KCNJ12: variants seen among roughly 807,000 people sequenced by gnomAD.
KCNJ12 encodes ATP-sensitive inward rectifier potassium channel 12.
KCNJ12 carries 2 observed loss-of-function variants against 22.3 expected under a neutral mutation model. The observed-to-expected ratio is 0.09, with a 90% CI of 0.04 to 0.28. KCNJ12 has a LOEUF of 0.28. Among genes scored for constraint, KCNJ12 ranks in the 10% least tolerant of loss-of-function variants. The pLI, the probability that KCNJ12 is intolerant of heterozygous loss-of-function variation, is 1.00. For synonymous variants in KCNJ12, 117 were observed against 261.4 expected (o/e 0.45, Z 5.33); for missense variants, 155 against 633.3 (o/e 0.24, Z 8.11).
At position 21,415,942 on chromosome 17, in the gene KCNJ12, C is replaced by T. The variant is rs369453139; in HGVS notation, c.600C>T (p.Ala200=). The change falls in exon 3 of 3, where the codon GCC becomes GCT. Residue 200 remains alanine, a synonymous_variant. Transcript: ENST00000583088. ...AGACGCTGCTGTTCAGCCACAACGC[C>T]GTGGTGGCCCTGCGTGACGGCAAGC... ...RAQTLLFSHN[A]VVALRDGKLC... is the part of the protein sequence containing the mutation. The T allele has an allele frequency of 9.9e-6, 16 of 1,609,100 alleles. No homozygotes were observed. Among genetic ancestry groups the T allele is most frequent in the Admixed American group, 5.0e-5 (3 of 59,840 alleles).
intron 1 of KCNJ12, among the ~76,000 whole-genome samples, chr17:21,392,379 C>T (rs569458729): frequency 8.5e-5 from 13 of 152,360 alleles, no homozygotes; most frequent in Non-Finnish European, 1.6e-4. Flanking sequence ...GAGGGAAGGA[C>T]GAGTCTGGCC....
chr17:21,404,921 C>T (rs1444221860), intron 1 of KCNJ12, among the ~76,000 whole-genome samples: 4 of 152,292 alleles, frequency 2.6e-5, no homozygotes, highest in Non-Finnish European at 5.9e-5. Flanking sequence ...CTTTTCTGGC[C>T]GCTTGGTGCA....
chr17:21,412,528 C>T (rs1248686606), intron 2 of KCNJ12, among the ~76,000 whole-genome samples: 2 of 152,306 alleles, frequency 1.3e-5, no homozygotes, highest in African/African-American at 4.8e-5. Flanking sequence ...CCCCTGTCAG[C>T]TGGTGGCCTC....
At chr17:21,407,298 G>C (rs1906006637) in intron 1 of KCNJ12, among the ~76,000 whole-genome samples, 1 of 149,230 alleles carries the variant, frequency 6.7e-6, no homozygotes, top group African/African-American at 2.5e-5. Context: ...TCATCCACCT[G>C]TCCATCTATC....
At chr17:21,404,344 GGC>G (rs1297441060) in intron 1 of KCNJ12, among the ~76,000 whole-genome samples, 1 of 152,302 alleles carries the variant, frequency 6.6e-6, no homozygotes, top group Non-Finnish European at 1.5e-5. Flanking sequence ...CCTCCCCACT[GGC>G]AGATACTCCT....
chr17:21,391,572 C>T (rs941634915), intron 1 of KCNJ12, among the ~76,000 whole-genome samples: 4 of 152,250 alleles, frequency 2.6e-5, no homozygotes, highest in African/African-American at 7.2e-5. Context: ...AACTGCCTTG[C>T]GGCGCTCCGC....
intron 2 of KCNJ12, 122 bp from the exon 3 acceptor site, chr17:21,415,165 G>C (rs1597584705): frequency 9.2e-7 from 1 of 1,083,254 alleles, no homozygotes; most frequent in East Asian, 2.6e-5. Flanking sequence ...GGCAAGACCA[G>C]AGCACGATCG....
intron 1 of KCNJ12, among the ~76,000 whole-genome samples, chr17:21,382,401 G>T (rs1490804987): frequency 6.6e-6 from 1 of 152,144 alleles, no homozygotes; most frequent in Non-Finnish European, 1.5e-5. Context: ...GGCAGGGAGG[G>T]GACAGTGTCT....
intron 1 of KCNJ12, among the ~76,000 whole-genome samples, chr17:21,404,880 C>G (rs1452794793): frequency 6.6e-6 from 1 of 152,282 alleles, no homozygotes; most frequent in Non-Finnish European, 1.5e-5. Context: ...CTGACCTGGC[C>G]TCACCTCAGG....
intron 1 of KCNJ12, among the ~76,000 whole-genome samples, chr17:21,385,711 T>C (rs1905050293): frequency 6.6e-6 from 1 of 152,212 alleles, no homozygotes; most frequent in South Asian, 2.1e-4. Context: ...TCCAGGCCAC[T>C]CATGGGTCCT....
intron 1 of KCNJ12, among the ~76,000 whole-genome samples, chr17:21,403,263 C>G (rs1263093003): frequency 2.0e-5 from 3 of 152,302 alleles, no homozygotes; most frequent in Non-Finnish European, 4.4e-5. Flanking sequence ...CTGCTCATTC[C>G]TACTGTGTCC....
chr17:21,411,461 C>T (rs1308280094), intron 2 of KCNJ12, among the ~76,000 whole-genome samples: 3 of 152,276 alleles, frequency 2.0e-5, no homozygotes, highest in Non-Finnish European at 2.9e-5. Context: ...GTGTTGAAAC[C>T]GCCTTGTCTA....
chr17:21,401,881 TGGTCC>T (rs1470404940), intron 1 of KCNJ12, among the ~76,000 whole-genome samples: 2 of 152,184 alleles, frequency 1.3e-5, no homozygotes, highest in African/African-American at 4.8e-5. Context: ...CAGCATGGTC[TGGTCC>T]AGGACAGAGG....
chr17:21,386,797 C>T lies in KCNJ12; in HGVS notation c.-179+9884C>T, dbSNP rs1045351608. Among the ~76,000 whole-genome samples the T allele has an allele frequency of 3.4e-4, 52 of 152,164 alleles. 1 individual carries two copies. Among genetic ancestry groups the T allele is most frequent in the African/African-American group, 9.4e-4 (39 of 41,406 alleles). On this transcript the variant is annotated intron_variant, in intron 1 of 2. Coordinates refer to ENST00000583088, the MANE Select transcript of KCNJ12 (RefSeq NM_021012.5). ...CTAGGATTACAGGTGTGAATCACCG[C>T]GCCAGGACCTCTACTTCTAAGGATG...
intron 1 of KCNJ12, among the ~76,000 whole-genome samples, chr17:21,380,479 A>C (rs1272857512): frequency 6.6e-6 from 1 of 152,196 alleles, no homozygotes; most frequent in African/African-American, 2.4e-5. Flanking sequence ...CAAGAGAGGC[A>C]GATGTTGCCA....
chr17:21,387,440 C>CAAAAA (rs782125409), intron 1 of KCNJ12, among the ~76,000 whole-genome samples: 101 of 35,226 alleles, frequency 2.9e-3, no homozygotes, highest in East Asian at 7.4e-3. Flanking sequence ...GACTCTATCT[C>CAAAAA]AAAAAAAAAA....
At chr17:21,378,052 C>T (rs1242635093) in intron 1 of KCNJ12, among the ~76,000 whole-genome samples, 1 of 152,260 alleles carries the variant, frequency 6.6e-6, no homozygotes, top group Non-Finnish European at 1.5e-5. Context: ...AGCGCCGAGG[C>T]GCCCACACGC....
intron 1 of KCNJ12, among the ~76,000 whole-genome samples, chr17:21,380,231 C>T (rs188433463): frequency 2.0e-5 from 3 of 152,292 alleles, no homozygotes; most frequent in East Asian, 3.9e-4. Flanking sequence ...AGTAAATGCT[C>T]GATGATTCCA....
intron 1 of KCNJ12, among the ~76,000 whole-genome samples, chr17:21,396,384 G>A (rs566433392): frequency 6.6e-6 from 1 of 152,310 alleles, no homozygotes; most frequent in South Asian, 2.1e-4. Context: ...CGACGTTGAT[G>A]ACCACCACAG....
Sources: allele counts gnomAD v4.1 joint callset (sites outside exome capture counted in the v4.1 genomes callset), GRCh38; gene constraint gnomAD v4.1.1; transcripts MANE v1.5; gene names NCBI Gene and HGNC (gene_info 2026-07-23, HGNC 2026-07-21).